The following CFHR5 variants were observed in gnomAD, a reference collection of about 807,000 sequenced individuals.
CFHR5 encodes complement factor H-related protein 5.
A neutral mutation model predicts 62.9 loss-of-function variants in CFHR5; 73 were observed. That is an observed-to-expected ratio of 1.16 (90% confidence interval 0.96 to 1.41). The LOEUF is 1.41. Among genes scored for constraint, CFHR5 ranks in the 40% most tolerant of loss-of-function variants. The pLI is 0.00. For synonymous variants in CFHR5, 249 were observed against 227.2 expected (o/e 1.10, Z -0.86); for missense variants, 779 against 679.9 (o/e 1.15, Z -1.62).
chr1:197,004,845 T>C lies in CFHR5; in HGVS notation c.1513+2T>C, dbSNP rs1325160550. On this transcript the variant is annotated splice_donor_variant, in intron 9 of 9. Coordinates refer to ENST00000256785, the MANE Select transcript of CFHR5 (RefSeq NM_030787.4). LOFTEE classifies it high-confidence loss of function. ...GGTCAGAACCACCAAGATGCCTAGG[T>C]GAGTTCTTAATATTCTCTTGGAATC... 1 of 1,603,810 alleles carries C rather than the reference T, an allele frequency of 6.2e-7. No homozygotes were observed. The highest frequency in any genetic ancestry group is 1.1e-5 in the South Asian group (1 of 90,794).
At position 197,004,649 on chromosome 1, in the gene CFHR5, G is replaced by C. The variant is rs1654237413; in HGVS notation, c.1331-12G>C. 6.2e-7 allele frequency: 1 copy of C among 1,606,360 alleles called. No individual in the cohort carries two copies. Among genetic ancestry groups the C allele is most frequent in the Non-Finnish European group, 8.5e-7 (1 of 1,173,194 alleles). On this transcript the variant is annotated splice_polypyrimidine_tract_variant and intron_variant, in intron 8 of 9. Coordinates refer to ENST00000256785, the MANE Select transcript of CFHR5 (RefSeq NM_030787.4). Reference sequence around the variant, plus strand: ...TAACATAATGTCTCAACAAATAAATGCTGTTTTCCAGAGTCTACTGCATAT... The same window carrying C: ...TAACATAATGTCTCAACAAATAAATCCTGTTTTCCAGAGTCTACTGCATAT...
At chr1:197,006,835 TTTTTTA>T (rs1654301110) in intron 9 of CFHR5, among the ~76,000 whole-genome samples, 1 of 151,760 alleles carries the variant, frequency 6.6e-6, no homozygotes, top group Admixed American at 6.6e-5. Context: ...CATAGCATCT[TTTTTTA>T]TTTTTATTTT....
Position 197,008,706 on chromosome 1 carries a change from A to G in CFHR5, c.*23A>G. On this transcript the variant is annotated 3_prime_UTR_variant, in exon 10 of 10. Coordinates refer to ENST00000256785, the MANE Select transcript of CFHR5 (RefSeq NM_030787.4). ...TGAAGCAAGCATAATTTTCCTGAATATATTCTTCAAACATCCATCTATGCT... is the reference window on the plus strand; with the variant it reads ...TGAAGCAAGCATAATTTTCCTGAATGTATTCTTCAAACATCCATCTATGCT... 1.9e-6 allele frequency: 3 copies of G among 1,576,514 alleles called. No homozygotes were observed. The highest frequency in any genetic ancestry group is 2.6e-6 in the Non-Finnish European group (3 of 1,145,978).
In CFHR5 at chr1:197,008,777, C is replaced by T; in HGVS notation, c.*94C>T. On this transcript the variant is annotated 3_prime_UTR_variant, in exon 10 of 10. Coordinates refer to ENST00000256785, the MANE Select transcript of CFHR5 (RefSeq NM_030787.4). ...CAATTCTGTAGTTACTTCTTTTATT[C>T]TTTCAGGTGTTGTTTAACTCAGTTT... The T allele has an allele frequency of 9.7e-7, 1 of 1,031,716 alleles. No homozygotes were observed. The highest frequency in any genetic ancestry group is 2.5e-5 in the East Asian group (1 of 40,278). The allele number at this position is 1,031,716 out of a possible 1,614,324, so 63.9% of individuals were successfully genotyped here. A position where few individuals can be genotyped will look rare whatever the true frequency, so the allele number is the denominator to read the frequency against.
intron 6 of CFHR5, 140 bp from the exon 7 acceptor site, chr1:196,997,988 G>A (rs1241845411): frequency 3.6e-6 from 2 of 556,758 alleles, no homozygotes; most frequent in Non-Finnish European, 6.2e-6. Flanking sequence ...TTTTCCAACA[G>A]CATTGTCTAT....
At chr1:196,984,862 C>T (rs966732192) in intron 3 of CFHR5, among the ~76,000 whole-genome samples, 1 of 152,144 alleles carries the variant, frequency 6.6e-6, no homozygotes, top group Non-Finnish European at 1.5e-5. Flanking sequence ...CCAAGACTGA[C>T]CTTACTAGTC....
intron 7 of CFHR5, among the ~76,000 whole-genome samples, chr1:197,001,090 T>A (rs1378874345): frequency 1.3e-5 from 2 of 152,194 alleles, no homozygotes; most frequent in East Asian, 1.9e-4. Flanking sequence ...CACAAAAGAC[T>A]GGTCTTGTTA....
intron 3 of CFHR5, among the ~76,000 whole-genome samples, chr1:196,993,806 T>A (rs1216583069): frequency 6.6e-6 from 1 of 152,136 alleles, no homozygotes; most frequent in Non-Finnish European, 1.5e-5. Context: ...ATTAAATAAT[T>A]TACTGTATGA....
Position 196,999,722 on chromosome 1 carries a change from TACACAC to T in CFHR5, c.1147+1426_1147+1431del, listed in dbSNP as rs60382421. Reference sequence around the variant, plus strand: ...ATATATATATATATATATATATATATACACACACACACATATATATACACACACATA... The same window carrying T: ...ATATATATATATATATATATATATATACACACATATATATACACACACATA... On this transcript the variant is annotated intron_variant, in intron 7 of 9. Transcript: ENST00000256785. Among the ~76,000 whole-genome samples the T allele has an allele frequency of 1.2e-3, 137 of 115,788 alleles. 1 individual carries two copies. Among genetic ancestry groups the T allele is most frequent in the East Asian group, 2.8e-3 (7 of 2,500 alleles). 76.0% of individuals were successfully genotyped at this position (115,788 alleles called of 152,430 possible). A position where few individuals can be genotyped will look rare whatever the true frequency, so the allele number is the denominator to read the frequency against.
chr1:196,998,340 G>T (rs774165075), intron 7 of CFHR5, 36 bp downstream of exon 7: 2 of 1,514,214 alleles, frequency 1.3e-6, no homozygotes, highest in Non-Finnish European at 1.8e-6. Flanking sequence ...TGATCTTGTT[G>T]CTTCTTTACA....
At chr1:196,984,639 A>C (rs1290296327) in intron 3 of CFHR5, among the ~76,000 whole-genome samples, 1 of 152,192 alleles carries the variant, frequency 6.6e-6, no homozygotes, top group East Asian at 1.9e-4. Context: ...CCTGTGGTAT[A>C]AATGATGGCA....
intron 3 of CFHR5, among the ~76,000 whole-genome samples, chr1:196,985,741 G>C (rs930587416): frequency 6.6e-6 from 1 of 152,164 alleles, no homozygotes; most frequent in Non-Finnish European, 1.5e-5. Flanking sequence ...TCTGTGTACA[G>C]TCTGTAAGAT....
intron 3 of CFHR5, among the ~76,000 whole-genome samples, chr1:196,991,909 T>C (rs1453946445): frequency 1.3e-5 from 2 of 152,320 alleles, no homozygotes; most frequent in East Asian, 3.9e-4. Context: ...GGAGAACCAC[T>C]GCTCTCTTCA....
chr1:196,998,417 C>T (rs1558288516), intron 7 of CFHR5, 113 bp downstream of exon 7: 12 of 883,286 alleles, frequency 1.4e-5, no homozygotes, highest in Non-Finnish European at 3.6e-6. Context: ...AATTTCTATG[C>T]TAATAGTAAA....
chr1:196,994,992 C>T (rs531693916), intron 4 of CFHR5, among the ~76,000 whole-genome samples: 70 of 152,288 alleles, frequency 4.6e-4, no homozygotes, highest in African/African-American at 1.3e-3. Flanking sequence ...CCACCAGGTT[C>T]TTCCCACAAC....
At position 197,009,602 on chromosome 1, in the gene CFHR5, C is replaced by G. The variant is rs1280448827; in HGVS notation, c.*919C>G. 6.6e-6 allele frequency: 1 copy of G among 152,128 alleles called. No homozygotes were observed. The highest frequency in any genetic ancestry group is 1.5e-5 in the Non-Finnish European group (1 of 68,022). The allele number at this position is 152,128 out of a possible 1,614,324, so 9.4% of individuals were successfully genotyped here. On this transcript the variant is annotated 3_prime_UTR_variant, in exon 10 of 10. Transcript: ENST00000256785. Reference sequence around the variant, plus strand: ...AAGTATTAATAAATATTTATAAATCCTCTAATGTAAGTCTAGCTACCTATC... The same window carrying G: ...AAGTATTAATAAATATTTATAAATCGTCTAATGTAAGTCTAGCTACCTATC...
intron 9 of CFHR5, 76 bp downstream of exon 9, chr1:197,004,919 T>C (rs1000116534): frequency 9.2e-7 from 1 of 1,088,962 alleles, no homozygotes; most frequent in African/African-American, 1.6e-5. Flanking sequence ...TTTCATAGAA[T>C]AACCCTTACT....
chr1:196,975,832 T>G (rs766644996), upstream of CFHR5, among the ~76,000 whole-genome samples: 6 of 152,130 alleles, frequency 3.9e-5, no homozygotes, highest in Non-Finnish European at 5.9e-5. Context: ...GGTAGAGAAT[T>G]TATTTGCAAA....
chr1:196,992,196 C>G (rs1653864734), intron 3 of CFHR5, among the ~76,000 whole-genome samples: 1 of 152,156 alleles, frequency 6.6e-6, no homozygotes, highest in African/African-American at 2.4e-5. Flanking sequence ...ACTGCCAAGC[C>G]AGGCACAGGA....
Sources: gnomAD v4.1 joint callset for allele counts (sites outside exome capture counted in the v4.1 genomes callset) on GRCh38, gnomAD v4.1.1 for gene constraint, MANE v1.5 for transcripts, NCBI Gene and HGNC (gene_info 2026-07-23, HGNC 2026-07-21) for gene names.